AKT3: variants seen among roughly 807,000 people sequenced by gnomAD.
The protein encoded by AKT3 is RAC-gamma serine/threonine-protein kinase.
AKT3 carries 15 observed loss-of-function variants against 65.3 expected under a neutral mutation model. The ratio of observed to expected loss-of-function variants is 0.23; its 90% CI spans 0.15 to 0.35. The LOEUF (loss-of-function observed/expected upper bound fraction) is 0.35. Among genes scored for constraint, AKT3 ranks in the 10% least tolerant of loss-of-function variants. The pLI is 1.00. For synonymous variants in AKT3, 206 were observed against 183.8 expected (o/e 1.12, Z -0.98); for missense variants, 243 against 576.5 (o/e 0.42, Z 5.92).
At chr1:243,810,285 T>C (rs183872569) in intron 2 of AKT3, among the ~76,000 whole-genome samples, 1 of 151,532 alleles carries the variant, frequency 6.6e-6, no homozygotes, top group Admixed American at 6.6e-5. Context: ...CTAGCAAGAC[T>C]AATAAAGAAG....
intron 8 of AKT3, among the ~76,000 whole-genome samples, chr1:243,588,644 A>C (rs2148544701): frequency 1.3e-5 from 2 of 152,374 alleles, no homozygotes; most frequent in Middle Eastern, 3.4e-3. Context: ...GGGAGAAAGA[A>C]CAATCTCTTC....
Position 243,499,822 on chromosome 1 carries a change from G to C in AKT3, c.*5427C>G. 3 of 1,600,332 alleles carry C rather than the reference G, an allele frequency of 1.9e-6. No homozygotes were observed. The highest frequency in any genetic ancestry group is 2.6e-6 in the Non-Finnish European group (3 of 1,168,612). Reference sequence around the variant, plus strand: ...CAGAGTGAAATAAATGATTTACAAAGAGATATTTACATTCATCTGGTTTAG... The same window carrying C: ...CAGAGTGAAATAAATGATTTACAAACAGATATTTACATTCATCTGGTTTAG... On this transcript the variant is annotated 3_prime_UTR_variant, in exon 14 of 14. Transcript: ENST00000673466.
At chr1:243,841,702 A>G (rs1695251599) in intron 2 of AKT3, among the ~76,000 whole-genome samples, 2 of 152,202 alleles carry the variant, frequency 1.3e-5, no homozygotes, top group Non-Finnish European at 2.9e-5. Context: ...ATGAAAACAC[A>G]TTACACAAAG....
chr1:243,527,908 C>T (rs1558590145), intron 12 of AKT3, among the ~76,000 whole-genome samples: 1 of 123,864 alleles, frequency 8.1e-6, no homozygotes, highest in Non-Finnish European at 1.6e-5. Context: ...CACACACACA[C>T]ACACACACAC....
chr1:243,849,959 G>T, intron 1 of AKT3, 81 bp downstream of exon 1: 1 of 949,184 alleles, frequency 1.1e-6, no homozygotes, highest in Non-Finnish European at 1.3e-6. Flanking sequence ...GGGAGGCAGG[G>T]AGGGCGGACC....
intron 6 of AKT3, chr1:243,624,925 C>A: frequency 1.3e-5 from 3 of 238,130 alleles, no homozygotes; most frequent in East Asian, 1.0e-4. Context: ...TTGTCTTCTT[C>A]TTGACTGATA....
intron 8 of AKT3, among the ~76,000 whole-genome samples, chr1:243,579,952 A>C (rs1675211032): frequency 6.6e-6 from 1 of 152,198 alleles, no homozygotes; most frequent in South Asian, 2.1e-4. Flanking sequence ...AAAATTAAAA[A>C]ACTAGAAAAT....
chr1:243,816,021 G>A (rs1693498452), intron 2 of AKT3, among the ~76,000 whole-genome samples: 1 of 152,104 alleles, frequency 6.6e-6, no homozygotes, highest in African/African-American at 2.4e-5. Context: ...ACTTAGCTAG[G>A]TGGTTCTGCA....
Position 243,649,397 on chromosome 1 carries a change from G to GTA in AKT3, c.285-3362_285-3361dup, listed in dbSNP as rs530604522. 5.4e-3 allele frequency among the ~76,000 whole-genome samples: 808 copies of GTA among 150,164 alleles called. 6 individuals are homozygous for GTA. Among genetic ancestry groups the GTA allele is most frequent in the African/African-American group, 0.018 (730 of 40,796 alleles). ...GTGTGTGTATATATATATGTTATGTGTATATATATATACACATACACACAT... is the reference window on the plus strand; with the variant it reads ...GTGTGTGTATATATATATGTTATGTGTATATATATATATACACATACACACAT... On this transcript the variant is annotated intron_variant, in intron 4 of 13. Coordinates refer to ENST00000673466, the MANE Select transcript of AKT3 (RefSeq NM_005465.7).
rs554933483 is a variant in AKT3, at chr1:243,519,859, C to T, written c.1252-7433G>A. On this transcript the variant is annotated intron_variant, in intron 12 of 13. Transcript: ENST00000673466. Reference sequence around the variant, plus strand: ...AGACTGCACTGATATAGGTAAATTACCAGGATGTTCAGCTCTTTAGGGATG... The same window carrying T: ...AGACTGCACTGATATAGGTAAATTATCAGGATGTTCAGCTCTTTAGGGATG... 2.6e-5 allele frequency among the ~76,000 whole-genome samples: 4 copies of T among 152,286 alleles called. No individual in the cohort carries two copies. In the East Asian group the frequency reaches 7.7e-4, roughly 29 times the overall value.
intron 8 of AKT3, among the ~76,000 whole-genome samples, chr1:243,597,539 T>G (rs913948308): frequency 6.6e-6 from 1 of 152,222 alleles, no homozygotes; most frequent in Non-Finnish European, 1.5e-5. Flanking sequence ...GGTCTCACTC[T>G]GTTGCCAAGG....
At chr1:243,830,316 G>A (rs532873437) in intron 2 of AKT3, among the ~76,000 whole-genome samples, 2 of 152,112 alleles carry the variant, frequency 1.3e-5, no homozygotes, top group African/African-American at 2.4e-5. Flanking sequence ...TAAGGGATTT[G>A]AGCATCAGCA....
intron 2 of AKT3, among the ~76,000 whole-genome samples, chr1:243,700,874 A>C (rs1335327441): frequency 1.3e-5 from 2 of 152,122 alleles, no homozygotes; most frequent in African/African-American, 4.8e-5. Context: ...TTCCACCTAA[A>C]AGATCTGGAT....
chr1:243,690,334 C>T (rs967077747), intron 3 of AKT3, among the ~76,000 whole-genome samples: 8 of 152,120 alleles, frequency 5.3e-5, no homozygotes, highest in Non-Finnish European at 1.0e-4. Context: ...GACCATGACT[C>T]CTGGACAGAC....
intron 11 of AKT3, among the ~76,000 whole-genome samples, chr1:243,548,954 T>C (rs1672862251): frequency 6.6e-6 from 1 of 152,200 alleles, no homozygotes; most frequent in South Asian, 2.1e-4. Flanking sequence ...ATGCTATCAT[T>C]ACTTATGTTT....
chr1:243,772,445 A>G (rs1690249790), intron 2 of AKT3, among the ~76,000 whole-genome samples: 1 of 152,226 alleles, frequency 6.6e-6, no homozygotes, highest in Non-Finnish European at 1.5e-5. Context: ...AATGCTCTTC[A>G]TCACTGGCCA....
At chr1:243,713,014 G>A (rs565095968) in intron 2 of AKT3, among the ~76,000 whole-genome samples, 2 of 152,230 alleles carry the variant, frequency 1.3e-5, no homozygotes, top group South Asian at 2.1e-4. Flanking sequence ...CACAACTAAC[G>A]ACATTTAAGT....
At chr1:243,676,720 T>C (rs1683547773) in intron 3 of AKT3, among the ~76,000 whole-genome samples, 1 of 152,240 alleles carries the variant, frequency 6.6e-6, no homozygotes, top group Non-Finnish European at 1.5e-5. Context: ...CGTCCTTCTC[T>C]TTCAGCCCTC....
downstream of AKT3, among the ~76,000 whole-genome samples, chr1:243,497,588 G>A (rs1047881991): frequency 4.6e-5 from 7 of 152,126 alleles, no homozygotes; most frequent in Non-Finnish European, 1.0e-4. Flanking sequence ...GTGATAAATT[G>A]CTAGGTGGCC....
Sources: gnomAD v4.1 joint callset for allele counts (sites outside exome capture counted in the v4.1 genomes callset) on GRCh38, gnomAD v4.1.1 for gene constraint, MANE v1.5 for transcripts, NCBI Gene and HGNC (gene_info 2026-07-23, HGNC 2026-07-21) for gene names.